The following TBC1D5 variants were observed in gnomAD, a reference collection of about 807,000 sequenced individuals.
TBC1D5 encodes the protein TBC1 domain family member 5.
Under a neutral mutation model 100.3 loss-of-function variants are expected in TBC1D5, and 75 were observed. That is an observed-to-expected ratio of 0.75 (90% CI 0.62 to 0.91). The LOEUF (loss-of-function observed/expected upper bound fraction) is 0.91. Among genes scored for constraint, TBC1D5 ranks in the 40% least tolerant of loss-of-function variants. TBC1D5 has a pLI of 0.00. For missense variants in TBC1D5, 910 were observed against 942.4 expected, an observed-to-expected ratio of 0.97 and a Z score of 0.45; for synonymous variants, 323 against 325.6, an observed-to-expected ratio of 0.99 and a Z score of 0.09.
intron 1 of TBC1D5, among the ~76,000 whole-genome samples, chr3:17,710,580 A>G (rs891880223): frequency 1.3e-5 from 2 of 151,848 alleles, no homozygotes; most frequent in South Asian, 2.1e-4. Flanking sequence ...ATAAATAAAT[A>G]AATAAATAAA....
At chr3:17,582,840 T>C (rs1235234330) in intron 2 of TBC1D5, among the ~76,000 whole-genome samples, 1 of 147,020 alleles carries the variant, frequency 6.8e-6, no homozygotes, top group Non-Finnish European at 1.5e-5. Flanking sequence ...TGAAAGAAAA[T>C]ATTAGATTTT....
intron 17 of TBC1D5, among the ~76,000 whole-genome samples, chr3:17,217,549 T>G (rs937992764): frequency 2.0e-5 from 3 of 152,116 alleles, no homozygotes; most frequent in African/African-American, 7.2e-5. Flanking sequence ...ATGAGCTATC[T>G]TTTTATTTCA....
chr3:17,552,551 A>C (rs557290925), intron 2 of TBC1D5, among the ~76,000 whole-genome samples: 16 of 152,154 alleles, frequency 1.1e-4, no homozygotes, highest in Non-Finnish European at 4.4e-5. Flanking sequence ...GCCTGGCACT[A>C]TTCTAGGCCC....
intron 1 of TBC1D5, among the ~76,000 whole-genome samples, chr3:17,676,759 A>G (rs1399031541): frequency 6.6e-6 from 1 of 152,224 alleles, no homozygotes; most frequent in Non-Finnish European, 1.5e-5. Context: ...CTATACTACA[A>G]GGCTACAATA....
chr3:17,200,792 TTTTAAA>T (rs2071370773), intron 18 of TBC1D5, among the ~76,000 whole-genome samples: 1 of 152,210 alleles, frequency 6.6e-6, no homozygotes, highest in Non-Finnish European at 1.5e-5. Flanking sequence ...TTTTCAGATG[TTTTAAA>T]AAATTTCTCC....
Position 17,261,326 on chromosome 3 carries a change from T to A in TBC1D5, c.1246-2735A>T, listed in dbSNP as rs115274087. Among the ~76,000 whole-genome samples the A allele has an allele frequency of 5.8e-3, 883 of 152,238 alleles. 6 individuals carry two copies. Among genetic ancestry groups the A allele is most frequent in the African/African-American group, 0.02 (818 of 41,540 alleles). Reference sequence around the variant, plus strand: ...TCATTGTTAAAAATACATATATAAATGTACACATAAAGGTCAATGGATAGA... The same window carrying A: ...TCATTGTTAAAAATACATATATAAAAGTACACATAAAGGTCAATGGATAGA... On this transcript the variant is annotated intron_variant, in intron 15 of 21. Transcript: ENST00000253692.
At chr3:17,467,988 G>A (rs758738540) in intron 3 of TBC1D5, among the ~76,000 whole-genome samples, 97 of 152,216 alleles carry the variant, frequency 6.4e-4, no homozygotes, top group Admixed American at 2.2e-3. Context: ...TCCAAGTGAA[G>A]TAAAGAGACT....
At chr3:17,659,945 G>C (rs116793088) in intron 1 of TBC1D5, among the ~76,000 whole-genome samples, 95 of 152,086 alleles carry the variant, frequency 6.2e-4, no homozygotes, top group African/African-American at 2.2e-3. Flanking sequence ...AAACCACTGA[G>C]AATTTGGGCC....
intron 13 of TBC1D5, among the ~76,000 whole-genome samples, chr3:17,312,360 T>G (rs911025683): frequency 1.4e-4 from 21 of 152,268 alleles, no homozygotes; most frequent in African/African-American, 5.1e-4. Context: ...TTTTATCTAA[T>G]CAACTATTTC....
At chr3:17,620,501 A>C (rs1328142169) in intron 2 of TBC1D5, among the ~76,000 whole-genome samples, 1 of 152,252 alleles carries the variant, frequency 6.6e-6, no homozygotes, top group Non-Finnish European at 1.5e-5. Context: ...ACAAACTTAT[A>C]TGAGGTAATT....
intron 1 of TBC1D5, among the ~76,000 whole-genome samples, chr3:17,657,581 C>T (rs186560961): frequency 1.3e-5 from 2 of 152,116 alleles, no homozygotes; most frequent in South Asian, 2.1e-4. Flanking sequence ...GTGATCTGCC[C>T]GCCTCGGCCT....
intron 18 of TBC1D5, among the ~76,000 whole-genome samples, chr3:17,213,537 G>A (rs1340462638): frequency 3.3e-5 from 5 of 151,904 alleles, no homozygotes; most frequent in South Asian, 2.1e-4. Flanking sequence ...AGGCCAAGGC[G>A]GGCAGATCAC....
chr3:17,331,256 C>G (rs1052620095), intron 13 of TBC1D5, among the ~76,000 whole-genome samples: 4 of 152,176 alleles, frequency 2.6e-5, no homozygotes, highest in African/African-American at 9.7e-5. Context: ...TCCAGCCCCT[C>G]TAATCACTGT....
intron 16 of TBC1D5, among the ~76,000 whole-genome samples, chr3:17,246,652 T>G (rs2076761865): frequency 1.3e-5 from 2 of 152,234 alleles, no homozygotes; most frequent in South Asian, 4.1e-4. Flanking sequence ...AGAAAAGACT[T>G]TTTAACAAAT....
chr3:17,376,660 C>G, intron 9 of TBC1D5, 47 bp from the exon 10 acceptor site: 1 of 1,544,450 alleles, frequency 6.5e-7, no homozygotes, highest in Non-Finnish European at 8.9e-7. Context: ...TACTCAGAGT[C>G]CATTAGTGGA....
intron 2 of TBC1D5, among the ~76,000 whole-genome samples, chr3:17,599,393 T>C (rs146927836): frequency 4.4e-4 from 67 of 152,212 alleles, no homozygotes; most frequent in African/African-American, 7.2e-4. Flanking sequence ...AGGAGTTCGG[T>C]TGGGGATGAT....
intron 1 of TBC1D5, among the ~76,000 whole-genome samples, chr3:17,641,201 T>C (rs1019036018): frequency 6.6e-6 from 1 of 152,158 alleles, no homozygotes; most frequent in South Asian, 2.1e-4. Flanking sequence ...AGGGGTCCTA[T>C]GAATTAGTCC....
intron 15 of TBC1D5, among the ~76,000 whole-genome samples, chr3:17,267,204 A>C (rs2078939221): frequency 6.6e-6 from 1 of 152,188 alleles, no homozygotes; most frequent in Non-Finnish European, 1.5e-5. Context: ...GCGTGCAGAA[A>C]GATGCCAGAG....
chr3:17,542,235 G>C (rs962991057), intron 2 of TBC1D5, among the ~76,000 whole-genome samples: 3 of 152,132 alleles, frequency 2.0e-5, no homozygotes, highest in African/African-American at 7.2e-5. Context: ...AGGTTGCAGT[G>C]AGCTGAGATT....
Sources: gnomAD v4.1 joint callset for allele counts (sites outside exome capture counted in the v4.1 genomes callset) on GRCh38, gnomAD v4.1.1 for gene constraint, MANE v1.5 for transcripts, NCBI Gene and HGNC (gene_info 2026-07-23, HGNC 2026-07-21) for gene names.